The following SIRT4 variants were observed in gnomAD, a reference collection of about 807,000 sequenced individuals.
SIRT4 encodes sirtuin 4.
In SIRT4, 23 loss-of-function variants were observed where a neutral mutation model predicts 26.1. The observed-to-expected ratio is 0.88, with a 90% CI of 0.63 to 1.25. The LOEUF (loss-of-function observed/expected upper bound fraction) is 1.25, where lower values mean the gene tolerates loss of function less well. Among genes scored for constraint, SIRT4 ranks in the 50% most tolerant of loss-of-function variants. SIRT4 has a pLI of 0.00. For missense variants in SIRT4, 361 were observed against 405.4 expected, an observed-to-expected ratio of 0.89 and a Z score of 0.94; for synonymous variants, 155 against 158.4, an observed-to-expected ratio of 0.98 and a Z score of 0.16.
chr12:120,305,787 C>T (rs559459376), intron 2 of SIRT4, among the ~76,000 whole-genome samples: 7 of 152,024 alleles, frequency 4.6e-5, no homozygotes, highest in East Asian at 3.9e-4. Flanking sequence ...CTGAGGCAGG[C>T]GGATCACGAG....
In SIRT4 at chr12:120,312,748, C is replaced by T; in HGVS notation, c.790C>T (p.Gln264Ter). 1 of 1,611,942 alleles carries T rather than the reference C, an allele frequency of 6.2e-7. No individual in the cohort carries two copies. The highest frequency in any genetic ancestry group is 8.5e-7 in the Non-Finnish European group (1 of 1,178,758). The change falls in exon 3 of 4, where the codon CAG becomes TAG. Residue 264 changes from glutamine to a stop codon, truncating the protein, a stop_gained and splice_region_variant. Coordinates refer to ENST00000202967, the MANE Select transcript of SIRT4 (RefSeq NM_012240.3). LOFTEE classifies it high-confidence loss of function. ...DSLLVVGSSL[Q>*]VYSGYRFILT... The stretch of plus-strand genomic sequence containing the variant: ...CCTCTTGGTGGTGGGATCATCCTTG[C>T]AGGTATCTGACTTGGCAAGAGTGGT...
chr12:120,309,600 C>T (rs1872879690), intron 2 of SIRT4, among the ~76,000 whole-genome samples: 1 of 151,146 alleles, frequency 6.6e-6, no homozygotes, highest in South Asian at 2.1e-4. Context: ...TTGGTAGAGA[C>T]TGGGTTTCAC....
the SIRT4 span, among the ~76,000 whole-genome samples, chr12:120,296,922 G>T: frequency 6.6e-6 from 1 of 152,036 alleles, no homozygotes; most frequent in South Asian, 2.1e-4. Context: ...TGGATGGGGT[G>T]GAGTTGTGAG....
the SIRT4 span, chr12:120,293,022 T>A: frequency 6.6e-6 from 1 of 150,558 alleles, no homozygotes; most frequent in Non-Finnish European, 1.5e-5. Context: ...GAACAAGTAC[T>A]CTTCAACCTC....
At chr12:120,293,212 C>G in the SIRT4 span, 4 of 152,156 alleles carry the variant, frequency 2.6e-5, no homozygotes, top group African/African-American at 9.7e-5. Context: ...ACCTCATTGG[C>G]TACGATACTG....
chr12:120,301,796 G>C (rs113337436), upstream of SIRT4, among the ~76,000 whole-genome samples: 11 of 152,210 alleles, frequency 7.2e-5, no homozygotes, highest in African/African-American at 2.6e-4. Context: ...AAAGATGGCC[G>C]GGCGCAGTGG....
chr12:120,312,676 C>T lies in SIRT4; in HGVS notation c.718C>T (p.Pro240Ser), dbSNP rs1391402322. ...DVVFFGDTVNPDKVDFVHKRV... is the reference protein window; with the variant it reads ...DVVFFGDTVNSDKVDFVHKRV... Reference sequence around the variant, plus strand: ...CGTTTTCTTCGGGGACACAGTGAACCCTGACAAGGTTGATTTTGTGCACAA... The same window carrying T: ...CGTTTTCTTCGGGGACACAGTGAACTCTGACAAGGTTGATTTTGTGCACAA... The change falls in exon 3 of 4, where the codon CCT (proline) becomes TCT (serine). Residue 240 changes from proline (P) to serine (S), a missense_variant. By Grantham distance (74) the Pro-to-Ser change is moderately conservative. Transcript: ENST00000202967. 16 of 1,613,838 alleles carry T rather than the reference C, an allele frequency of 9.9e-6. No homozygotes were observed. Among genetic ancestry groups the T allele is most frequent in the Non-Finnish European group, 1.4e-5 (16 of 1,179,990 alleles).
chr12:120,292,656 A>G, the SIRT4 span, among the ~76,000 whole-genome samples: 6 of 151,802 alleles, frequency 4.0e-5, no homozygotes, highest in Admixed American at 6.6e-5. Flanking sequence ...AGAAAAGTCA[A>G]CACCGCCCTG....
intron 2 of SIRT4, among the ~76,000 whole-genome samples, chr12:120,304,825 ATATATATATATTTTTTTT>A (rs1440871347): frequency 4.1e-3 from 74 of 18,142 alleles, no homozygotes; most frequent in South Asian, 0.019. Flanking sequence ...ATATATATAT[ATATATATATATTTTTTTT>A]TTTTTTTTTT....
At chr12:120,293,622 G>C in the SIRT4 span, among the ~76,000 whole-genome samples, 1 of 152,040 alleles carries the variant, frequency 6.6e-6, no homozygotes, top group African/African-American at 2.4e-5. Flanking sequence ...TTATGCCAAA[G>C]TATACATAAA....
At chr12:120,307,797 G>A (rs1344440536) in intron 2 of SIRT4, among the ~76,000 whole-genome samples, 1 of 152,238 alleles carries the variant, frequency 6.6e-6, no homozygotes, top group East Asian at 1.9e-4. Context: ...GGCAGAGGTT[G>A]TAATGAGCTG....
At chr12:120,295,824 A>G in the SIRT4 span, among the ~76,000 whole-genome samples, 2 of 151,816 alleles carry the variant, frequency 1.3e-5, no homozygotes, top group African/African-American at 4.8e-5. Flanking sequence ...TTGGGAGGCC[A>G]AGGCAGGTGG....
chr12:120,299,983 C>T (rs1177042339), upstream of SIRT4, among the ~76,000 whole-genome samples: 1 of 152,016 alleles, frequency 6.6e-6, no homozygotes, highest in East Asian at 1.9e-4. Context: ...TGAAACGATG[C>T]TGCCAAGTCG....
chr12:120,311,365 A>C (rs1403353105), intron 2 of SIRT4, among the ~76,000 whole-genome samples: 1 of 150,614 alleles, frequency 6.6e-6, no homozygotes, highest in African/African-American at 2.4e-5. Flanking sequence ...CAAAAAAATA[A>C]AAAATAAAAT....
chr12:120,298,839 G>A (rs555357174), upstream of SIRT4, among the ~76,000 whole-genome samples: 7 of 151,280 alleles, frequency 4.6e-5, no homozygotes, highest in East Asian at 2.0e-4. Context: ...CCCGGGAGGC[G>A]GAGGTTGCAG....
At chr12:120,297,774 T>C (rs1872386274), upstream of SIRT4, among the ~76,000 whole-genome samples, 1 of 152,164 alleles carries the variant, frequency 6.6e-6, no homozygotes, top group Non-Finnish European at 1.5e-5. Context: ...TTTTTCATAG[T>C]AAAATTGGTG....
At chr12:120,291,819 C>CG in the SIRT4 span, 1 of 152,116 alleles carries the variant, frequency 6.6e-6, no homozygotes, top group African/African-American at 2.4e-5. Flanking sequence ...GTCGTCATGG[C>CG]GGGGTATTGG....
chr12:120,292,657 C>T, the SIRT4 span, among the ~76,000 whole-genome samples: 1 of 151,734 alleles, frequency 6.6e-6, no homozygotes, highest in African/African-American at 2.4e-5. Context: ...GAAAAGTCAA[C>T]ACCGCCCTGC....
chr12:120,292,940 C>G, the SIRT4 span, among the ~76,000 whole-genome samples: 156 of 152,302 alleles, frequency 1.0e-3, no homozygotes, highest in Non-Finnish European at 1.7e-3. Flanking sequence ...ATCACTAAAA[C>G]AGGTAAACTT....
Sources: allele counts gnomAD v4.1 joint callset (sites outside exome capture counted in the v4.1 genomes callset), GRCh38; gene constraint gnomAD v4.1.1; transcripts MANE v1.5; gene names NCBI Gene and HGNC (gene_info 2026-07-23, HGNC 2026-07-21).